THSD4: variants seen among roughly 807,000 people sequenced by gnomAD.
The protein encoded by THSD4 is thrombospondin type-1 domain-containing protein 4.
In THSD4, 69 loss-of-function variants were observed where a neutral mutation model predicts 119.0. The ratio of observed to expected loss-of-function variants is 0.58; its 90% confidence interval spans 0.48 to 0.71. THSD4 has a LOEUF of 0.71. Among genes scored for constraint, THSD4 ranks in the 30% least tolerant of loss-of-function variants. THSD4 has a pLI of 0.00. For missense variants in THSD4, 1,393 were observed against 1,391.1 expected (o/e 1.00, Z -0.02); for synonymous variants, 524 against 540.4 (o/e 0.97, Z 0.42).
In THSD4 at chr15:71,184,905, G is replaced by A. The variant is rs115882565; in HGVS notation, c.99+29973G>A. Among the ~76,000 whole-genome samples, 163 of 151,582 alleles carry A rather than the reference G, an allele frequency of 1.1e-3. 1 individual carries two copies. Among genetic ancestry groups the A allele is most frequent in the African/African-American group, 3.8e-3 (157 of 41,470 alleles). ...TTAATAATGTCACTGAGACCCACCC[G>A]CTCCCCAAACCCTTTGGTTTTTTTT... On this transcript the variant is annotated intron_variant, in intron 3 of 17. Coordinates refer to ENST00000261862, the MANE Select transcript of THSD4 (RefSeq NM_024817.3).
intron 6 of THSD4, among the ~76,000 whole-genome samples, chr15:71,262,037 G>A (rs1008144526): frequency 6.6e-6 from 1 of 152,110 alleles, no homozygotes; most frequent in Non-Finnish European, 1.5e-5. Flanking sequence ...AGGGCTTTAC[G>A]GCTGGATTTT....
chr15:71,703,374 G>C (rs527246190), intron 8 of THSD4, among the ~76,000 whole-genome samples: 92 of 152,260 alleles, frequency 6.0e-4, no homozygotes, highest in African/African-American at 2.1e-3. Flanking sequence ...GAAAATGATA[G>C]TTTTATTATT....
At chr15:71,168,759 A>G (rs1735234040) in intron 3 of THSD4, among the ~76,000 whole-genome samples, 1 of 152,226 alleles carries the variant, frequency 6.6e-6, no homozygotes, top group South Asian at 2.1e-4. Context: ...TTGCAGTTGG[A>G]TATTGAACAG....
At chr15:71,512,404 G>T (rs113960037) in intron 7 of THSD4, among the ~76,000 whole-genome samples, 115 of 152,244 alleles carry the variant, frequency 7.6e-4, no homozygotes, top group African/African-American at 2.7e-3. Flanking sequence ...GCCCGGCAGC[G>T]TTTTCCTGTG....
At chr15:71,468,126 G>C (rs2047525887) in intron 7 of THSD4, among the ~76,000 whole-genome samples, 1 of 152,196 alleles carries the variant, frequency 6.6e-6, no homozygotes, top group African/African-American at 2.4e-5. Context: ...TGGGATTACA[G>C]GCATGAGCCA....
intron 11 of THSD4, among the ~76,000 whole-genome samples, chr15:71,744,681 G>A (rs936624993): frequency 2.0e-5 from 3 of 152,136 alleles, no homozygotes; most frequent in Non-Finnish European, 4.4e-5. Flanking sequence ...TCTCTAGAAC[G>A]AAGCTTGGCC....
At chr15:71,520,264 A>G (rs1026416933) in intron 7 of THSD4, among the ~76,000 whole-genome samples, 1 of 152,198 alleles carries the variant, frequency 6.6e-6, no homozygotes, top group African/African-American at 2.4e-5. Flanking sequence ...CGACTGGTCT[A>G]GAGATGAGAC....
chr15:71,583,972 A>T (rs2049608723), intron 7 of THSD4, among the ~76,000 whole-genome samples: 1 of 152,084 alleles, frequency 6.6e-6, no homozygotes, highest in South Asian at 2.1e-4. Context: ...TTCTGTCTGG[A>T]TGATCTGTTT....
chr15:71,698,790 A>G (rs553519793), intron 8 of THSD4, among the ~76,000 whole-genome samples: 1 of 152,006 alleles, frequency 6.6e-6, no homozygotes, highest in Non-Finnish European at 1.5e-5. Flanking sequence ...CCTGAAGGAC[A>G]TTATGCCAAG....
At chr15:71,554,080 T>C (rs1377894873) in intron 7 of THSD4, among the ~76,000 whole-genome samples, 1 of 132,258 alleles carries the variant, frequency 7.6e-6, no homozygotes, top group African/African-American at 2.8e-5. Flanking sequence ...TTTCGTTTGT[T>C]TTTTGTTTGG....
chr15:71,740,893 T>C (rs1293133240), intron 11 of THSD4, among the ~76,000 whole-genome samples: 1 of 152,146 alleles, frequency 6.6e-6, no homozygotes, highest in Non-Finnish European at 1.5e-5. Flanking sequence ...CATTTCATCC[T>C]TGGGACCTCA....
intron 7 of THSD4, among the ~76,000 whole-genome samples, chr15:71,465,248 T>G (rs2047483418): frequency 6.6e-6 from 1 of 152,208 alleles, no homozygotes; most frequent in African/African-American, 2.4e-5. Context: ...CCACAGGATG[T>G]TCAGTGTGAT....
chr15:71,584,326 G>A (rs2049621821), intron 7 of THSD4, among the ~76,000 whole-genome samples: 2 of 138,288 alleles, frequency 1.4e-5, no homozygotes. Flanking sequence ...GAAGTGTAGT[G>A]GCATGATCTC....
chr15:71,224,806 C>G (rs2044001639), intron 4 of THSD4, among the ~76,000 whole-genome samples: 1 of 152,166 alleles, frequency 6.6e-6, no homozygotes, highest in Non-Finnish European at 1.5e-5. Flanking sequence ...TGACTCTTAT[C>G]CTCCTACCTC....
Position 71,215,132 on chromosome 15 carries a change from C to A in THSD4, c.197C>A (p.Ser66Ter). 1 of 1,369,442 alleles carries A rather than the reference C, an allele frequency of 7.3e-7. No individual in the cohort carries two copies. Among genetic ancestry groups the A allele is most frequent in the Non-Finnish European group, 9.5e-7 (1 of 1,057,186 alleles). The allele number at this position is 1,369,442 out of a possible 1,614,324, so 84.8% of individuals were successfully genotyped here. The change falls in exon 4 of 18, where the codon TCG becomes TAG. Residue 66 changes from serine to a stop codon, truncating the protein, a stop_gained. Transcript: ENST00000261862. LOFTEE classifies it high-confidence loss of function. ...WGAWGPWSACSRSCSGGVMEQ... is the reference protein window; with the variant it reads ...WGAWGPWSAC ...GCCTGGGGCCCCTGGTCGGCCTGCTCGCGTAGCTGCAGCGGCGGCGTGATG... is the reference window on the plus strand; with the variant it reads ...GCCTGGGGCCCCTGGTCGGCCTGCTAGCGTAGCTGCAGCGGCGGCGTGATG...
At chr15:71,321,702 G>C (rs1420797520) in intron 6 of THSD4, among the ~76,000 whole-genome samples, 1 of 152,160 alleles carries the variant, frequency 6.6e-6, no homozygotes, top group Non-Finnish European at 1.5e-5. Context: ...TTATGAATGT[G>C]AGAGTGCTGA....
intron 16 of THSD4, 42 bp downstream of exon 16, chr15:71,765,241 G>T (rs181897961): frequency 1.3e-6 from 2 of 1,586,204 alleles, no homozygotes; most frequent in Admixed American, 3.5e-5. Context: ...TTGGCACAAC[G>T]TCCCCCACCT....
intron 5 of THSD4, among the ~76,000 whole-genome samples, chr15:71,253,877 C>T (rs1170346487): frequency 6.6e-6 from 1 of 152,176 alleles, no homozygotes; most frequent in Non-Finnish European, 1.5e-5. Context: ...CACACATAAT[C>T]TTTTTAACAC....
chr15:71,154,833 A>C (rs753407480), intron 2 of THSD4, 30 bp from the exon 3 acceptor site: 14 of 1,611,222 alleles, frequency 8.7e-6, no homozygotes, highest in Non-Finnish European at 1.1e-5. Context: ...CATACTCACC[A>C]TCCTGCCTGT....
Sources: allele counts gnomAD v4.1 joint callset (sites outside exome capture counted in the v4.1 genomes callset), GRCh38; gene constraint gnomAD v4.1.1; transcripts MANE v1.5; gene names NCBI Gene and HGNC (gene_info 2026-07-23, HGNC 2026-07-21).